The following COL21A1 variants were observed in gnomAD, a reference collection of about 807,000 sequenced individuals.
COL21A1 encodes the protein collagen type XXI alpha 1 chain.
Under a neutral mutation model 137.9 loss-of-function variants are expected in COL21A1, and 149 were observed. The observed-to-expected ratio is 1.08, with a 90% CI of 0.95 to 1.24. The LOEUF (loss-of-function observed/expected upper bound fraction) is 1.24. Ranked by LOEUF, COL21A1 falls within the 50% of genes most tolerant of loss-of-function variation. The pLI is 0.00. For synonymous variants in COL21A1, 456 were observed against 391.5 expected, an observed-to-expected ratio of 1.16 and a Z score of -1.95; for missense variants, 1,167 against 1,158.4, an observed-to-expected ratio of 1.01 and a Z score of -0.11.
chr6:56,071,004 C>G (rs1304773671), intron 20 of COL21A1, among the ~76,000 whole-genome samples: 6 of 151,406 alleles, frequency 4.0e-5, no homozygotes, highest in Admixed American at 4.0e-4. Flanking sequence ...ATTCATAAGC[C>G]TCTCTAAAAA....
chr6:56,255,037 ATACTC>A (rs1379823866), intron 1 of COL21A1, among the ~76,000 whole-genome samples: 4 of 152,164 alleles, frequency 2.6e-5, no homozygotes, highest in African/African-American at 9.7e-5. Flanking sequence ...TTAATTTCAA[ATACTC>A]TACTATACAG....
intron 5 of COL21A1, among the ~76,000 whole-genome samples, chr6:56,168,740 T>C (rs750932442): frequency 8.6e-5 from 13 of 152,012 alleles, no homozygotes; most frequent in Non-Finnish European, 1.8e-4. Flanking sequence ...TCTCTCTCTC[T>C]GTCTCTGAGT....
intron 1 of COL21A1, among the ~76,000 whole-genome samples, chr6:56,303,911 T>A (rs199890549): frequency 1.3e-5 from 2 of 152,212 alleles, no homozygotes; most frequent in East Asian, 3.8e-4. Flanking sequence ...GTCCCATCAA[T>A]ACCTAATTTA....
intron 1 of COL21A1, among the ~76,000 whole-genome samples, chr6:56,229,608 T>C (rs987187815): frequency 1.3e-5 from 2 of 151,938 alleles, no homozygotes; most frequent in Non-Finnish European, 2.9e-5. Context: ...CTACGTCCAC[T>C]ATGAGCTGTC....
At chr6:56,364,274 T>C (rs1766047216) in intron 1 of COL21A1, among the ~76,000 whole-genome samples, 1 of 151,596 alleles carries the variant, frequency 6.6e-6, no homozygotes, top group South Asian at 2.1e-4. Context: ...GTGCTGTAAA[T>C]GAGAAAACCT....
intron 12 of COL21A1, among the ~76,000 whole-genome samples, chr6:56,131,095 T>C (rs989846083): frequency 6.6e-6 from 1 of 151,180 alleles, no homozygotes. Context: ...AAAACAACAA[T>C]ATTAAAATGT....
intron 10 of COL21A1, among the ~76,000 whole-genome samples, chr6:56,150,289 C>T (rs575255963): frequency 2.0e-5 from 3 of 152,090 alleles, no homozygotes; most frequent in African/African-American, 4.8e-5. Context: ...GAGGTCGAGG[C>T]GGGCGGATCA....
At chr6:56,220,643 A>T (rs997221108) in intron 1 of COL21A1, among the ~76,000 whole-genome samples, 5 of 147,894 alleles carry the variant, frequency 3.4e-5, no homozygotes, top group African/African-American at 1.3e-4. Flanking sequence ...TTATCCGAGA[A>T]GAGGAAACTT....
intron 1 of COL21A1, among the ~76,000 whole-genome samples, chr6:56,200,040 C>A (rs1005002703): frequency 1.3e-5 from 2 of 152,110 alleles, no homozygotes; most frequent in Non-Finnish European, 2.9e-5. Flanking sequence ...AAAAAGGTAA[C>A]ACTTGAGCTG....
At chr6:56,163,971 C>G (rs1378948408) in intron 9 of COL21A1, among the ~76,000 whole-genome samples, 2 of 152,148 alleles carry the variant, frequency 1.3e-5, no homozygotes, top group African/African-American at 2.4e-5. Context: ...TATTTTTGAA[C>G]TAGATATCAA....
At chr6:56,075,607 A>C (rs573457343) in intron 18 of COL21A1, 75 bp from the exon 19 acceptor site, 1 of 1,049,938 alleles carries the variant, frequency 9.5e-7, no homozygotes, top group South Asian at 1.6e-5. Flanking sequence ...CTGCCAAAGC[A>C]CAATGGAATG....
chr6:56,176,830 G>C (rs1399387345), intron 3 of COL21A1, among the ~76,000 whole-genome samples: 1 of 143,456 alleles, frequency 7.0e-6, no homozygotes, highest in Non-Finnish European at 1.5e-5. Context: ...GAGGGGGAAA[G>C]AGAAAAATGA....
At chr6:56,388,494 A>T (rs1366378747) in intron 1 of COL21A1, among the ~76,000 whole-genome samples, 1 of 152,238 alleles carries the variant, frequency 6.6e-6, no homozygotes, top group Non-Finnish European at 1.5e-5. Context: ...ACCCAAGTCA[A>T]CCAATGCTGT....
At chr6:56,198,020 G>A (rs1307354639) in intron 1 of COL21A1, among the ~76,000 whole-genome samples, 1 of 151,956 alleles carries the variant, frequency 6.6e-6, no homozygotes, top group Non-Finnish European at 1.5e-5. Context: ...CACTCACACA[G>A]GAGAGAATAC....
At chr6:56,061,424 A>G (rs1765790148) in intron 25 of COL21A1, among the ~76,000 whole-genome samples, 1 of 152,210 alleles carries the variant, frequency 6.6e-6, no homozygotes, top group Non-Finnish European at 1.5e-5. Context: ...ATTCAGCTCC[A>G]AGTCTGGAAG....
intron 2 of COL21A1, among the ~76,000 whole-genome samples, chr6:56,180,583 C>A (rs1777819393): frequency 1.3e-5 from 2 of 152,072 alleles, no homozygotes; most frequent in Admixed American, 6.5e-5. Context: ...TTCAAGATAC[C>A]AGGAAACACA....
At chr6:56,365,756 G>A (rs1766084101) in intron 1 of COL21A1, among the ~76,000 whole-genome samples, 2 of 152,146 alleles carry the variant, frequency 1.3e-5, no homozygotes, top group African/African-American at 4.8e-5. Flanking sequence ...AGGGTGGTGA[G>A]TGGGTATGAC....
At chr6:56,251,648 A>G (rs968891203), upstream of COL21A1, among the ~76,000 whole-genome samples, 1 of 152,204 alleles carries the variant, frequency 6.6e-6, no homozygotes, top group African/African-American at 2.4e-5. Context: ...TAAAACCTAT[A>G]AACAGGACTA....
intron 1 of COL21A1, among the ~76,000 whole-genome samples, chr6:56,375,763 G>A (rs576748477): frequency 1.5e-4 from 23 of 152,274 alleles, no homozygotes; most frequent in African/African-American, 5.3e-4. Flanking sequence ...TTGACCACAT[G>A]TGGCTTGGGG....
Sources: allele counts gnomAD v4.1 joint callset (sites outside exome capture counted in the v4.1 genomes callset), GRCh38; gene constraint gnomAD v4.1.1; transcripts MANE v1.5; gene names NCBI Gene and HGNC (gene_info 2026-07-23, HGNC 2026-07-21).